The following CADM2 variants were observed in gnomAD, a reference collection of about 807,000 sequenced individuals.
CADM2 encodes the protein cell adhesion molecule 2, also known as immunoglobulin superfamily member 4D.
A neutral mutation model predicts 49.8 loss-of-function variants in CADM2; 12 were observed. The ratio of observed to expected loss-of-function variants is 0.24; its 90% CI spans 0.15 to 0.39. CADM2 has a LOEUF of 0.39. CADM2 is among the 10% of genes least tolerant of loss of function. The pLI is 1.00. For synonymous variants in CADM2, 214 were observed against 175.4 expected (o/e 1.22, Z -1.74); for missense variants, 378 against 492.3 (o/e 0.77, Z 2.20).
chr3:85,747,596 C>T (rs751171681), intron 2 of CADM2, among the ~76,000 whole-genome samples: 17 of 152,012 alleles, frequency 1.1e-4, no homozygotes, highest in Non-Finnish European at 2.4e-4. Context: ...ATGGTAAAAC[C>T]TTTATTCTTC....
rs546770338 is a variant in CADM2, at chr3:85,942,784, G to A, written c.791+6927G>A. Among the ~76,000 whole-genome samples the A allele has an allele frequency of 7.2e-4, 110 of 151,950 alleles. 1 individual carries two copies. Among genetic ancestry groups the A allele is most frequent in the East Asian group, 4.7e-3 (24 of 5,128 alleles). On this transcript the variant is annotated intron_variant, in intron 7 of 9. Coordinates refer to ENST00000383699, the MANE Select transcript of CADM2 (RefSeq NM_001167675.2). ...AGTCTTTGCTATTGTGAATAATGTC[G>A]CAGTAAACATACGTGTGCATGTGTC...
At chr3:85,671,873 C>T (rs2065746448) in intron 1 of CADM2, among the ~76,000 whole-genome samples, 1 of 152,022 alleles carries the variant, frequency 6.6e-6, no homozygotes, top group Non-Finnish European at 1.5e-5. Flanking sequence ...TTTTCATAGG[C>T]CTTAACACTA....
chr3:85,415,059 C>T (rs2035852535), intron 1 of CADM2, among the ~76,000 whole-genome samples: 1 of 152,048 alleles, frequency 6.6e-6, no homozygotes, highest in East Asian at 1.9e-4. Context: ...AAAAATAATT[C>T]TAAAGAAGCT....
At chr3:85,805,379 T>G (rs1232516361) in intron 3 of CADM2, 1 of 152,196 alleles carries the variant, frequency 6.6e-6, no homozygotes, top group Non-Finnish European at 1.5e-5. Context: ...CTAACTCTAT[T>G]GTGGTTCTAA....
At chr3:85,712,348 A>C (rs778397263) in intron 1 of CADM2, among the ~76,000 whole-genome samples, 3 of 152,144 alleles carry the variant, frequency 2.0e-5, no homozygotes, top group Non-Finnish European at 4.4e-5. Context: ...TTAGTATATC[A>C]CAGTTATGTA....
chr3:85,839,557 G>T (rs2074551259), intron 3 of CADM2, among the ~76,000 whole-genome samples: 1 of 151,760 alleles, frequency 6.6e-6, no homozygotes, highest in Non-Finnish European at 1.5e-5. Flanking sequence ...AGCTCAATGA[G>T]TGCACATTGC....
At chr3:85,785,425 TG>T (rs2070925338) in intron 2 of CADM2, among the ~76,000 whole-genome samples, 1 of 152,120 alleles carries the variant, frequency 6.6e-6, no homozygotes. Context: ...TAGAATAGCC[TG>T]AACCTCAGCA....
intron 1 of CADM2, among the ~76,000 whole-genome samples, chr3:85,453,161 C>G (rs1441988439): frequency 6.6e-6 from 1 of 151,998 alleles, no homozygotes; most frequent in Non-Finnish European, 1.5e-5. Context: ...TAAAGAGAAA[C>G]TATTTCATTC....
At chr3:84,963,689 A>C (rs907114117) in intron 1 of CADM2, among the ~76,000 whole-genome samples, 1 of 152,216 alleles carries the variant, frequency 6.6e-6, no homozygotes, top group African/African-American at 2.4e-5. Flanking sequence ...CATTGGACGT[A>C]CATAATACTT....
At chr3:85,457,730 A>G (rs1429205713) in intron 1 of CADM2, among the ~76,000 whole-genome samples, 1 of 152,168 alleles carries the variant, frequency 6.6e-6, no homozygotes, top group East Asian at 1.9e-4. Context: ...ATTTGTTTGT[A>G]ATGATTGACA....
At chr3:85,338,889 A>G (rs985849937) in intron 1 of CADM2, among the ~76,000 whole-genome samples, 5 of 151,542 alleles carry the variant, frequency 3.3e-5, no homozygotes, top group Non-Finnish European at 7.4e-5. Flanking sequence ...TTATGCCTAG[A>G]TCTCCTGAAC....
rs115239037 is a variant in CADM2 at position 85,002,617 on chromosome 3, G to A, written c.61+42949G>A. Among the ~76,000 whole-genome samples, 965 of 152,016 alleles carry A rather than the reference G, an allele frequency of 6.3e-3. 16 individuals are homozygous for A. The highest frequency in any genetic ancestry group is 0.022 in the African/African-American group (923 of 41,438). On this transcript the variant is annotated intron_variant, in intron 1 of 9. Transcript: ENST00000383699. The stretch of plus-strand genomic sequence containing the variant: ...TTGTCTTTCCTTTTTATTATTTTCA[G>A]CCTAGGCTTTCTAACAACTAGCTGG...
intron 1 of CADM2, among the ~76,000 whole-genome samples, chr3:85,053,047 GA>G (rs1256575920): frequency 2.0e-5 from 3 of 151,906 alleles, no homozygotes; most frequent in Non-Finnish European, 4.4e-5. Flanking sequence ...TAAGATTCTA[GA>G]AGACAAATAC....
Position 85,025,356 on chromosome 3 carries a change from A to C in CADM2, c.61+65688A>C, listed in dbSNP as rs535445813. 3.9e-5 allele frequency among the ~76,000 whole-genome samples: 6 copies of C among 152,298 alleles called. No individual in the cohort carries two copies. In the East Asian group the frequency reaches 1.2e-3, roughly 29 times the overall value. ...CTGATTCTAACATAAAAATTATAGA[A>C]AGCTTGGGTATACACTTTATTTAAG... On this transcript the variant is annotated intron_variant, in intron 1 of 9. Transcript: ENST00000383699.
At chr3:85,910,359 G>T (rs1717418488) in intron 5 of CADM2, among the ~76,000 whole-genome samples, 2 of 152,204 alleles carry the variant, frequency 1.3e-5, no homozygotes, top group African/African-American at 4.8e-5. Flanking sequence ...ATGTAAAAAT[G>T]AAGCAACATA....
rs201224386 is a variant in CADM2, at chr3:85,958,351, A to T, written c.792-3118A>T. Among the ~76,000 whole-genome samples, 7 of 152,136 alleles carry T rather than the reference A, an allele frequency of 4.6e-5. No individual in the cohort carries two copies. The East Asian group carries it at 1.4e-3, about 30-fold the overall frequency. Reference sequence around the variant, plus strand: ...GGAACGCTTTTATACTGTTGGTGGGAATGTAAATTAGTTCAACCATTGTGG... The same window carrying T: ...GGAACGCTTTTATACTGTTGGTGGGTATGTAAATTAGTTCAACCATTGTGG... On this transcript the variant is annotated intron_variant, in intron 7 of 9. Transcript: ENST00000383699.
At chr3:85,552,716 G>A (rs1291702389) in intron 1 of CADM2, among the ~76,000 whole-genome samples, 5 of 151,322 alleles carry the variant, frequency 3.3e-5, no homozygotes, top group Admixed American at 2.6e-4. Flanking sequence ...TCACTCTGTC[G>A]CCCAGGCTGG....
Position 85,802,159 on chromosome 3 carries a change from T to C in CADM2, c.201T>C (p.Asn67=). The C allele has an allele frequency of 6.2e-7, 1 of 1,613,096 alleles. No homozygotes were observed. The highest frequency in any genetic ancestry group is 8.5e-7 in the Non-Finnish European group (1 of 1,179,482). ...ATAACACCTCCCTCCAGTGGTCAAA[T>C]CCAGCTCAACAGACTCTGTACTTTG... The part of the protein sequence containing the change: ...QNDNTSLQWS[N]PAQQTLYFDD... The change falls in exon 3 of 10, where the codon AAT becomes AAC. Residue 67 remains asparagine, a synonymous_variant. Transcript: ENST00000383699.
rs138084839 is a variant in CADM2, at chr3:85,522,119, A to G, written c.62-204403A>G. ...CATCCCACTAATCTCTTCTCACTTC[A>G]CTATTCTGTTCATTCATTCAGGTTT... is the stretch of plus-strand genomic sequence containing the variant. On this transcript the variant is annotated intron_variant, in intron 1 of 9. Coordinates refer to ENST00000383699, the MANE Select transcript of CADM2 (RefSeq NM_001167675.2). Among the ~76,000 whole-genome samples, 390 of 152,048 alleles carry G rather than the reference A, an allele frequency of 2.6e-3. 2 individuals carry two copies. Among genetic ancestry groups the G allele is most frequent in the African/African-American group, 9.0e-3 (373 of 41,480 alleles).
Sources: allele counts gnomAD v4.1 joint callset (sites outside exome capture counted in the v4.1 genomes callset), GRCh38; gene constraint gnomAD v4.1.1; transcripts MANE v1.5; gene names NCBI Gene and HGNC (gene_info 2026-07-23, HGNC 2026-07-21).